Variants in PCDHGA4 observed in about 807,000 individuals in gnomAD.
PCDHGA4 encodes protocadherin gamma subfamily A, 4.
PCDHGA4 carries 38 observed loss-of-function variants against 54.6 expected under a neutral mutation model. The ratio of observed to expected loss-of-function variants is 0.70; its 90% confidence interval spans 0.54 to 0.91. The LOEUF is 0.91. Among genes scored for constraint, PCDHGA4 ranks in the 40% least tolerant of loss-of-function variants. PCDHGA4 has a pLI of 0.00. For missense variants in PCDHGA4, 1,298 were observed against 1,220.9 expected (o/e 1.06, Z -0.94); for synonymous variants, 511 against 512.9 (o/e 1.00, Z 0.05).
intron 1 of PCDHGA4, chr5:141,399,774 C>A (rs758550367): frequency 1.2e-6 from 2 of 1,613,116 alleles, no homozygotes; most frequent in South Asian, 2.2e-5. Flanking sequence ...TGTTGGTGGG[C>A]GACCGAAACG....
chr5:141,383,930 C>T lies in PCDHGA4; in HGVS notation c.2514+26309C>T. 7 of 1,613,800 alleles carry T rather than the reference C, an allele frequency of 4.3e-6. No homozygotes were observed. Among genetic ancestry groups the T allele is most frequent in the Non-Finnish European group, 5.9e-6 (7 of 1,179,786 alleles). ...ACAGTTTTAGATGTAAATGATAATG[C>T]TCCAGAAGTGACTATGACGTCTTTA... On this transcript the variant is annotated intron_variant, in intron 1 of 3. Coordinates refer to ENST00000571252, the MANE Select transcript of PCDHGA4 (RefSeq NM_018917.4).
rs774055546 is a variant in PCDHGA4, at chr5:141,360,808, A to T, written c.2514+3187A>T. On this transcript the variant is annotated intron_variant, in intron 1 of 3. Transcript: ENST00000571252. ...TGGCGGAGACCCACCTCAAAGTGGC[A>T]CGACCCAAATCCGAATCAAAGTCAC... is the stretch of plus-strand genomic sequence containing the variant. The T allele has an allele frequency of 1.9e-6, 3 of 1,613,856 alleles. No individual in the cohort carries two copies. The African/African-American group carries it at 4.0e-5, about 22-fold the overall frequency.
At chr5:141,394,285 T>C (rs1463926417) in intron 1 of PCDHGA4, 2 of 1,613,942 alleles carry the variant, frequency 1.2e-6, no homozygotes, top group Admixed American at 1.7e-5. Context: ...ACTTACTCTG[T>C]GACCGAGGAC....
At chr5:141,418,583 T>A (rs1242446631) in intron 1 of PCDHGA4, 1 of 1,613,862 alleles carries the variant, frequency 6.2e-7, no homozygotes, top group Non-Finnish European at 8.5e-7. Flanking sequence ...CCCCCCAGTG[T>A]TCAGCCAGGA....
chr5:141,425,243 G>T (rs2096863760), intron 1 of PCDHGA4, among the ~76,000 whole-genome samples: 1 of 152,132 alleles, frequency 6.6e-6, no homozygotes, highest in Non-Finnish European at 1.5e-5. Flanking sequence ...AAATAAAAAG[G>T]ATATGAGGTA....
chr5:141,364,693 A>G, intron 1 of PCDHGA4: 1 of 1,614,018 alleles, frequency 6.2e-7, no homozygotes, highest in South Asian at 1.1e-5. Context: ...GAGTAGAAGT[A>G]GAAATAATCG....
intron 1 of PCDHGA4, among the ~76,000 whole-genome samples, chr5:141,455,904 TTTATTTA>T: frequency 6.8e-6 from 1 of 147,982 alleles, no homozygotes. Flanking sequence ...TATTTATTTA[TTTATTTA>T]TTTTGAGACG....
rs959855220 is a variant in PCDHGA4, at chr5:141,476,280, G to A, written c.2515-18527G>A. 4 of 1,614,010 alleles carry A rather than the reference G, an allele frequency of 2.5e-6. No individual in the cohort carries two copies. In the African/African-American group the frequency reaches 5.3e-5, roughly 22 times the overall value. On this transcript the variant is annotated intron_variant, in intron 1 of 3. Transcript: ENST00000571252. This position sits in a 1 kb window ranked among gnomAD's most constrained non-coding sequence, Gnocchi z 7.6. ...GTGGGCAACGTGGTCGCGAACCTTG[G>A]TTTGGATCTCGGTAGCCTCTCAGCC...
At position 141,511,423 on chromosome 5, in the gene PCDHGA4, A is replaced by G. The variant is rs1301463531; in HGVS notation, c.*250A>G. On this transcript the variant is annotated 3_prime_UTR_variant, in exon 4 of 4. Transcript: ENST00000571252. ...AATCAACTGCTGTACCCATGGGGGTAGTGGGGTTACTGTAGACACCAAGAA... is the reference window on the plus strand; with the variant it reads ...AATCAACTGCTGTACCCATGGGGGTGGTGGGGTTACTGTAGACACCAAGAA... 15 of 818,384 alleles carry G rather than the reference A, an allele frequency of 1.8e-5. No homozygotes were observed. Among genetic ancestry groups the G allele is most frequent in the East Asian group, 3.0e-5 (1 of 33,874 alleles). 50.7% of individuals were successfully genotyped at this position (818,384 alleles called of 1,614,324 possible). A position where few individuals can be genotyped will look rare whatever the true frequency, so the allele number is the denominator to read the frequency against.
intron 1 of PCDHGA4, among the ~76,000 whole-genome samples, chr5:141,463,095 G>C (rs1299676667): frequency 6.6e-6 from 1 of 152,098 alleles, no homozygotes; most frequent in African/African-American, 2.4e-5. Context: ...AGCCCTATGT[G>C]ACCATCAAGA....
chr5:141,426,722 T>G (rs1022367359), intron 1 of PCDHGA4: 1 of 447,734 alleles, frequency 2.2e-6, no homozygotes, highest in Non-Finnish European at 4.6e-6. Context: ...AACTAGCAAT[T>G]CCAGGCATTC....
At chr5:141,371,796 G>A in intron 1 of PCDHGA4, 2 of 1,613,914 alleles carry the variant, frequency 1.2e-6, no homozygotes, top group Non-Finnish European at 1.7e-6. Context: ...CAATCCGCCT[G>A]GAGCCTCCAT....
chr5:141,377,884 G>C (rs975063251), intron 1 of PCDHGA4: 1 of 152,112 alleles, frequency 6.6e-6, no homozygotes, highest in Non-Finnish European at 1.5e-5. Flanking sequence ...ATCAGAGATA[G>C]GATCCCCCTC....
chr5:141,418,069 G>T, intron 1 of PCDHGA4: 4 of 1,614,042 alleles, frequency 2.5e-6, no homozygotes, highest in South Asian at 2.2e-5. Flanking sequence ...GAGTGAGCGC[G>T]GAGAAGCTGC....
chr5:141,389,121 A>T (rs754294132), intron 1 of PCDHGA4: 2 of 1,613,910 alleles, frequency 1.2e-6, no homozygotes, highest in Non-Finnish European at 1.7e-6. Flanking sequence ...CCGCGAGCAG[A>T]ATCCAGAGTA....
chr5:141,371,524 G>T, intron 1 of PCDHGA4: 1 of 1,613,756 alleles, frequency 6.2e-7, no homozygotes, highest in Non-Finnish European at 8.5e-7. Flanking sequence ...CTAGATTCTG[G>T]ATTTAATGGA....
intron 1 of PCDHGA4, among the ~76,000 whole-genome samples, chr5:141,434,448 G>A (rs2097694852): frequency 6.6e-6 from 1 of 152,210 alleles, no homozygotes; most frequent in Non-Finnish European, 1.5e-5. Context: ...CATGCTGGAA[G>A]GTAGTGGGTT....
intron 1 of PCDHGA4, among the ~76,000 whole-genome samples, chr5:141,488,423 T>C (rs1204233986): frequency 2.0e-5 from 3 of 152,354 alleles, no homozygotes; most frequent in Non-Finnish European, 4.4e-5. Context: ...CCATCCATGC[T>C]TGGCCTCTGA....
chr5:141,490,421 C>T lies in PCDHGA4; in HGVS notation c.2515-4386C>T. On this transcript the variant is annotated intron_variant, in intron 1 of 3. Coordinates refer to ENST00000571252, the MANE Select transcript of PCDHGA4 (RefSeq NM_018917.4). The surrounding 1 kb of genome is among the most constrained non-coding windows in gnomAD (Gnocchi z 5.4). ...AGCCTTGATATCTCTCCGGACCTGCCATTTCAGATTAAGCCTTCTGAGAAC... is the reference window on the plus strand; with the variant it reads ...AGCCTTGATATCTCTCCGGACCTGCTATTTCAGATTAAGCCTTCTGAGAAC... 1 of 1,614,192 alleles carries T rather than the reference C, an allele frequency of 6.2e-7. No homozygotes were observed. The highest frequency in any genetic ancestry group is 8.5e-7 in the Non-Finnish European group (1 of 1,180,016).
Sources: gnomAD v4.1 joint callset for allele counts (sites outside exome capture counted in the v4.1 genomes callset) on GRCh38, gnomAD v4.1.1 for gene constraint, Gnocchi (gnomAD v3.1) non-coding constraint, MANE v1.5 for transcripts, NCBI Gene and HGNC (gene_info 2026-07-23, HGNC 2026-07-21) for gene names.